Variants in AGAP1 observed in about 807,000 individuals in gnomAD.
AGAP1 encodes arf-GAP with GTPase, ANK repeat and PH domain-containing protein 1.
In AGAP1, 29 loss-of-function variants were observed where a neutral mutation model predicts 105.3. That is an observed-to-expected ratio of 0.28 (90% CI 0.21 to 0.38). AGAP1 has a LOEUF of 0.38. AGAP1 is among the 10% of genes least tolerant of loss of function. AGAP1 has a pLI of 1.00. For missense variants in AGAP1, 998 were observed against 1,165.1 expected (o/e 0.86, Z 2.09); for synonymous variants, 509 against 485.9 (o/e 1.05, Z -0.63).
At chr2:236,074,902 G>C (rs2058595533) in intron 16 of AGAP1, among the ~76,000 whole-genome samples, 3 of 152,028 alleles carry the variant, frequency 2.0e-5, no homozygotes, top group African/African-American at 7.2e-5. Context: ...AAAAAATACA[G>C]AAATTAGCCA....
intron 1 of AGAP1, among the ~76,000 whole-genome samples, chr2:235,706,328 C>CA (rs1365681568): frequency 9.2e-5 from 14 of 152,118 alleles, no homozygotes; most frequent in African/African-American, 3.4e-4. Context: ...GGGTTGATGC[C>CA]ATTCTCCTGC....
chr2:235,582,055 G>T lies in AGAP1; in HGVS notation c.163+87206G>T, dbSNP rs961847820. Among the ~76,000 whole-genome samples the T allele has an allele frequency of 6.6e-6, 1 of 152,178 alleles. No individual in the cohort carries two copies. Among genetic ancestry groups the T allele is most frequent in the Non-Finnish European group, 1.5e-5 (1 of 68,032 alleles). ...ACGCAGTCTTTAGGAGACATGAAAT[G>T]TTCCTTCCATCCAGGGAAGACGTGA... On this transcript the variant is annotated intron_variant, in intron 1 of 17. Coordinates refer to ENST00000304032, the MANE Select transcript of AGAP1 (RefSeq NM_001037131.3). This position sits in a 1 kb window ranked among gnomAD's most constrained non-coding sequence, Gnocchi z 4.7.
At chr2:235,680,068 A>G (rs1948978585) in intron 1 of AGAP1, among the ~76,000 whole-genome samples, 1 of 152,246 alleles carries the variant, frequency 6.6e-6, no homozygotes, top group African/African-American at 2.4e-5. Flanking sequence ...AAACTTAGAT[A>G]GTGGTTGAGC....
intron 8 of AGAP1, among the ~76,000 whole-genome samples, chr2:235,806,002 A>G (rs1452063291): frequency 1.3e-5 from 2 of 152,174 alleles, no homozygotes; most frequent in Non-Finnish European, 2.9e-5. Flanking sequence ...AGTTTCCATC[A>G]TGGGAACTGT....
Position 236,096,093 on chromosome 2 carries a change from G to T in AGAP1, c.2115-24099G>T, listed in dbSNP as rs772809779. Among the ~76,000 whole-genome samples, 6 of 152,200 alleles carry T rather than the reference G, an allele frequency of 3.9e-5. No individual in the cohort carries two copies. Among genetic ancestry groups the T allele is most frequent in the African/African-American group, 1.2e-4 (5 of 41,456 alleles). ...CCTCAGATTTGGTGGAAGCAATACT[G>T]ATGATGGAACCGCAGTACTATGTAT... On this transcript the variant is annotated intron_variant, in intron 16 of 17. Transcript: ENST00000304032. The surrounding 1 kb of genome is among the most constrained non-coding windows in gnomAD (Gnocchi z 4.4).
intron 1 of AGAP1, among the ~76,000 whole-genome samples, chr2:235,547,351 A>G (rs1340495023): frequency 7.0e-6 from 1 of 143,026 alleles, no homozygotes; most frequent in Non-Finnish European, 1.5e-5. Flanking sequence ...TGCTGCTTAC[A>G]TTGACTTTTT....
chr2:235,903,832 C>T (rs1429996748), intron 10 of AGAP1, among the ~76,000 whole-genome samples: 1 of 152,152 alleles, frequency 6.6e-6, no homozygotes, highest in East Asian at 1.9e-4. Context: ...TTGGTAACCT[C>T]CCGGTCCTGG....
At chr2:235,791,625 G>C (rs1956982541) in intron 6 of AGAP1, among the ~76,000 whole-genome samples, 1 of 152,016 alleles carries the variant, frequency 6.6e-6, no homozygotes, top group Admixed American at 6.5e-5. Flanking sequence ...ACGGCTCACT[G>C]CAACCTCTGC....
At position 235,535,784 on chromosome 2, in the gene AGAP1, A is replaced by AGT. The variant is rs1377229722; in HGVS notation, c.163+40936_163+40937dup. 6.6e-6 allele frequency among the ~76,000 whole-genome samples: 1 copy of AGT among 152,120 alleles called. No individual in the cohort carries two copies. The highest frequency in any genetic ancestry group is 1.9e-4 in the East Asian group (1 of 5,150). On this transcript the variant is annotated intron_variant, in intron 1 of 17. Transcript: ENST00000304032. This position sits in a 1 kb window ranked among gnomAD's most constrained non-coding sequence, Gnocchi z 5.1. ...TGAGCGTGTGACATGCAGTGGGCTCAGTCTCTGCATAGCCCGGCAGGCAGC... is the reference window on the plus strand; with the variant it reads ...TGAGCGTGTGACATGCAGTGGGCTCAGTGTCTCTGCATAGCCCGGCAGGCAGC...
At position 236,092,769 on chromosome 2, in the gene AGAP1, A is replaced by G. The variant is rs1294987246; in HGVS notation, c.2115-27423A>G. Among the ~76,000 whole-genome samples, 1 of 152,244 alleles carries G rather than the reference A, an allele frequency of 6.6e-6. No homozygotes were observed. Among genetic ancestry groups the G allele is most frequent in the Non-Finnish European group, 1.5e-5 (1 of 68,042 alleles). ...CTAAAAAGTTTAAAACAATCAAGCA[A>G]AATAAAAGGTGGCTTCCCTTAAAAG... On this transcript the variant is annotated intron_variant, in intron 16 of 17. Coordinates refer to ENST00000304032, the MANE Select transcript of AGAP1 (RefSeq NM_001037131.3). The surrounding 1 kb of genome is among the most constrained non-coding windows in gnomAD (Gnocchi z 4.7).
At chr2:235,703,799 GT>G (rs1342146509) in intron 1 of AGAP1, among the ~76,000 whole-genome samples, 2 of 152,130 alleles carry the variant, frequency 1.3e-5, no homozygotes, top group Non-Finnish European at 2.9e-5. Context: ...GTTTTGCCAT[GT>G]TGACGAGGCT....
rs1411073683 is a variant in AGAP1 at position 235,867,332 on chromosome 2, A to G, written c.1051-16013A>G. ...AGGGCAAATGCAGCCATTCCAACCA[A>G]TGAACTTGACTGTGTTCCGATAAAA... On this transcript the variant is annotated intron_variant, in intron 9 of 17. Coordinates refer to ENST00000304032, the MANE Select transcript of AGAP1 (RefSeq NM_001037131.3). The surrounding 1 kb of genome is among the most constrained non-coding windows in gnomAD (Gnocchi z 5.4). 1.3e-5 allele frequency among the ~76,000 whole-genome samples: 2 copies of G among 152,180 alleles called. No individual in the cohort carries two copies. The highest frequency in any genetic ancestry group is 4.8e-5 in the African/African-American group (2 of 41,454).
intron 9 of AGAP1, among the ~76,000 whole-genome samples, chr2:235,833,975 G>T (rs1030078942): frequency 1.4e-5 from 2 of 145,844 alleles, no homozygotes; most frequent in African/African-American, 5.3e-5. Context: ...AAAAAAGCCA[G>T]TAGCAGCACT....
chr2:235,947,878 T>C (rs138164311), intron 12 of AGAP1, among the ~76,000 whole-genome samples: 87 of 152,366 alleles, frequency 5.7e-4, no homozygotes, highest in Admixed American at 1.8e-3. Flanking sequence ...GTGGTACTAT[T>C]ATCCTCATTT....
chr2:235,760,768 G>T (rs762393971), intron 6 of AGAP1, among the ~76,000 whole-genome samples: 1 of 152,088 alleles, frequency 6.6e-6, no homozygotes, highest in Non-Finnish European at 1.5e-5. Context: ...CAAAATTTTT[G>T]TAGAGATGAG....
intron 9 of AGAP1, among the ~76,000 whole-genome samples, chr2:235,811,308 G>T (rs918312856): frequency 6.6e-6 from 1 of 152,206 alleles, no homozygotes; most frequent in Admixed American, 6.5e-5. Flanking sequence ...TTCAAGACTT[G>T]CCTTGTACTT....
chr2:235,986,456 C>G (rs769105053), intron 13 of AGAP1, among the ~76,000 whole-genome samples: 13 of 152,056 alleles, frequency 8.5e-5, no homozygotes, highest in Non-Finnish European at 1.3e-4. Context: ...ATCTGCATAC[C>G]CTTTATTTTC....
Position 235,889,547 on chromosome 2 carries a change from T to G in AGAP1, c.1155+6098T>G. Among the ~76,000 whole-genome samples, 1 of 51,444 alleles carries G rather than the reference T, an allele frequency of 1.9e-5. No individual in the cohort carries two copies. Among genetic ancestry groups the G allele is most frequent in the African/African-American group, 9.5e-5 (1 of 10,554 alleles). The allele number at this position is 51,444 out of a possible 152,430, so 33.7% of individuals were successfully genotyped here. A position where few individuals can be genotyped will look rare whatever the true frequency, so the allele number is the denominator to read the frequency against. ...GTCATCCCCCAAAAGTGTCTTTGCC[T>G]TTTTTTTTTTTTTTTAGCCCTGAGC... On this transcript the variant is annotated intron_variant, in intron 10 of 17. Coordinates refer to ENST00000304032, the MANE Select transcript of AGAP1 (RefSeq NM_001037131.3). The surrounding 1 kb of genome is among the most constrained non-coding windows in gnomAD (Gnocchi z 4.6).
At chr2:235,681,244 C>G (rs1949054345) in intron 1 of AGAP1, among the ~76,000 whole-genome samples, 1 of 152,182 alleles carries the variant, frequency 6.6e-6, no homozygotes, top group African/African-American at 2.4e-5. Flanking sequence ...CTCCTGATCT[C>G]ATGATCTGCC....
Sources: allele counts gnomAD v4.1 joint callset (sites outside exome capture counted in the v4.1 genomes callset), GRCh38; gene constraint gnomAD v4.1.1; non-coding constraint Gnocchi (gnomAD v3.1); transcripts MANE v1.5; gene names NCBI Gene and HGNC (gene_info 2026-07-23, HGNC 2026-07-21).